The following ANKS1B variants were observed in gnomAD, a reference collection of about 807,000 sequenced individuals.
ANKS1B encodes ankyrin repeat and sterile alpha motif domain-containing protein 1B.
Under a neutral mutation model 148.3 loss-of-function variants are expected in ANKS1B, and 36 were observed. The observed-to-expected ratio is 0.24, with a 90% CI of 0.19 to 0.32. The LOEUF (loss-of-function observed/expected upper bound fraction) is 0.32, where lower values mean the gene tolerates loss of function less well. ANKS1B is among the 10% of genes least tolerant of loss of function. The pLI, the probability that ANKS1B is intolerant of heterozygous loss-of-function variation, is 1.00. For synonymous variants in ANKS1B, 542 were observed against 560.8 expected, an observed-to-expected ratio of 0.97 and a Z score of 0.47; for missense variants, 1,157 against 1,542.6, an observed-to-expected ratio of 0.75 and a Z score of 4.19.
intron 1 of ANKS1B, among the ~76,000 whole-genome samples, chr12:99,881,400 AAG>A (rs1272764074): frequency 2.0e-5 from 3 of 152,204 alleles, no homozygotes; most frequent in Non-Finnish European, 4.4e-5. Context: ...TGTAGTCCAC[AAG>A]AGAGAGGCAA....
intron 12 of ANKS1B, among the ~76,000 whole-genome samples, chr12:99,342,460 G>C (rs964007973): frequency 6.6e-6 from 1 of 151,974 alleles, no homozygotes; most frequent in African/African-American, 2.4e-5. Context: ...CTGACCCTGC[G>C]ATAAGTCTAA....
At chr12:99,741,812 C>T (rs1471134388) in intron 8 of ANKS1B, among the ~76,000 whole-genome samples, 3 of 151,964 alleles carry the variant, frequency 2.0e-5, no homozygotes, top group Non-Finnish European at 4.4e-5. Context: ...TTGATGGGTG[C>T]AGCAAACTAC....
In ANKS1B at chr12:99,155,721, T is replaced by C. The variant is rs997746174; in HGVS notation, c.2420-1326A>G. Among the ~76,000 whole-genome samples the C allele has an allele frequency of 7.2e-5, 11 of 152,314 alleles. No individual in the cohort carries two copies. In the East Asian group the frequency reaches 2.1e-3, roughly 29 times the overall value. ...CATCAGAAGAAACAGACTCTTAAGA[T>C]TGGGAGAGAACTTGCAGAAAGGTTA... On this transcript the variant is annotated intron_variant, in intron 14 of 26. Transcript: ENST00000683438.
chr12:99,816,453 CT>C (rs1565784992), intron 2 of ANKS1B, among the ~76,000 whole-genome samples: 1 of 151,592 alleles, frequency 6.6e-6, no homozygotes, highest in Non-Finnish European at 1.5e-5. Flanking sequence ...CTGATTATTT[CT>C]TTTGCTGTGC....
chr12:99,405,148 G>T (rs1370953911), intron 11 of ANKS1B, among the ~76,000 whole-genome samples: 1 of 145,748 alleles, frequency 6.9e-6, no homozygotes, highest in East Asian at 1.9e-4. Flanking sequence ...TACAATAAAT[G>T]CTAAAGGGAG....
chr12:99,328,841 T>G (rs971624277), intron 12 of ANKS1B, among the ~76,000 whole-genome samples: 1 of 151,864 alleles, frequency 6.6e-6, no homozygotes, highest in Non-Finnish European at 1.5e-5. Flanking sequence ...TATTGAAACT[T>G]ACATCAAAAC....
chr12:99,301,976 A>G (rs761689594), intron 12 of ANKS1B, among the ~76,000 whole-genome samples: 7 of 152,114 alleles, frequency 4.6e-5, no homozygotes, highest in Non-Finnish European at 1.0e-4. Flanking sequence ...AGGAAGGCCA[A>G]GCAATTCTAG....
At chr12:99,498,645 C>T (rs1447346255) in intron 10 of ANKS1B, among the ~76,000 whole-genome samples, 2 of 152,164 alleles carry the variant, frequency 1.3e-5, no homozygotes, top group African/African-American at 4.8e-5. Flanking sequence ...ATACCTTTTG[C>T]TCTGTTCCTT....
intron 12 of ANKS1B, among the ~76,000 whole-genome samples, chr12:99,348,901 T>C (rs982099680): frequency 6.6e-6 from 1 of 151,954 alleles, no homozygotes; most frequent in Non-Finnish European, 1.5e-5. Flanking sequence ...TAACAAACAG[T>C]ATTATTGTAA....
chr12:98,983,102 A>G (rs2099915547), intron 17 of ANKS1B, among the ~76,000 whole-genome samples: 1 of 152,282 alleles, frequency 6.6e-6, no homozygotes, highest in Admixed American at 6.5e-5. Context: ...CACATATTAG[A>G]TCATAGCTCT....
At chr12:99,433,686 A>C (rs1174531648) in intron 11 of ANKS1B, among the ~76,000 whole-genome samples, 1 of 152,176 alleles carries the variant, frequency 6.6e-6, no homozygotes, top group Admixed American at 6.5e-5. Context: ...CCTGCTGGAC[A>C]TGAGCCTGGA....
chr12:98,923,880 C>T (rs2099804612), intron 17 of ANKS1B, among the ~76,000 whole-genome samples: 1 of 152,168 alleles, frequency 6.6e-6, no homozygotes, highest in Non-Finnish European at 1.5e-5. Context: ...CTAATGCCTC[C>T]CTTCTCTTCA....
Position 98,845,965 on chromosome 12 carries a change from CAT to C in ANKS1B, c.2779-13831_2779-13830del, listed in dbSNP as rs149926433. ...TGTTGGAGGTCTTATTAGAATTCTT[CAT>C]ATATATATATATACACACACACACA... is the stretch of plus-strand genomic sequence containing the variant. On this transcript the variant is annotated intron_variant, in intron 17 of 26. Coordinates refer to ENST00000683438, the MANE Select transcript of ANKS1B (RefSeq NM_001352186.2). 9.4e-3 allele frequency among the ~76,000 whole-genome samples: 931 copies of C among 98,718 alleles called. 8 individuals are homozygous for C. The highest frequency in any genetic ancestry group is 0.08 in the Middle Eastern group (16 of 200). The allele number at this position is 98,718 out of a possible 152,430, so 64.8% of individuals were successfully genotyped here. A position where few individuals can be genotyped will look rare whatever the true frequency, so the allele number is the denominator to read the frequency against.
intron 17 of ANKS1B, among the ~76,000 whole-genome samples, chr12:98,962,614 G>T (rs1466012568): frequency 6.6e-6 from 1 of 152,036 alleles, no homozygotes; most frequent in East Asian, 1.9e-4. Flanking sequence ...GATATTTACA[G>T]AACATTTCAT....
intron 8 of ANKS1B, among the ~76,000 whole-genome samples, chr12:99,714,491 C>T (rs1331656090): frequency 6.6e-6 from 1 of 152,252 alleles, no homozygotes; most frequent in East Asian, 1.9e-4. Flanking sequence ...GTGCTCACCT[C>T]ATGGCTTGGT....
intron 17 of ANKS1B, among the ~76,000 whole-genome samples, chr12:99,024,485 C>G (rs1027024687): frequency 6.6e-6 from 1 of 151,916 alleles, no homozygotes; most frequent in Non-Finnish European, 1.5e-5. Flanking sequence ...TTTTATAGAC[C>G]CTTTTGAGAA....
At chr12:99,417,790 T>C (rs1338890499) in intron 11 of ANKS1B, among the ~76,000 whole-genome samples, 1 of 151,952 alleles carries the variant, frequency 6.6e-6, no homozygotes, top group Non-Finnish European at 1.5e-5. Flanking sequence ...ATAATCAAAC[T>C]ATCAAAAATT....
At chr12:99,521,022 C>G (rs1161991054) in intron 9 of ANKS1B, among the ~76,000 whole-genome samples, 1 of 151,974 alleles carries the variant, frequency 6.6e-6, no homozygotes, top group East Asian at 1.9e-4. Context: ...CTCGAACTCC[C>G]AACCTCAGGT....
intron 8 of ANKS1B, among the ~76,000 whole-genome samples, chr12:99,714,501 T>A (rs1366917678): frequency 2.0e-5 from 3 of 152,158 alleles, no homozygotes; most frequent in Non-Finnish European, 4.4e-5. Flanking sequence ...CATGGCTTGG[T>A]GTCACATTTT....
Sources: gnomAD v4.1 joint callset for allele counts (sites outside exome capture counted in the v4.1 genomes callset) on GRCh38, gnomAD v4.1.1 for gene constraint, MANE v1.5 for transcripts, NCBI Gene and HGNC (gene_info 2026-07-23, HGNC 2026-07-21) for gene names.